Variants in PUDP observed in about 807,000 individuals in gnomAD.
The protein encoded by PUDP is pseudouridine-5'-phosphatase.
A neutral mutation model predicts 9.4 loss-of-function variants in PUDP; 8 were observed. The observed-to-expected ratio is 0.85, with a 90% CI of 0.50 to 1.53. The LOEUF (loss-of-function observed/expected upper bound fraction) is 1.53, where lower values mean the gene tolerates loss of function less well. Among genes scored for constraint, PUDP ranks in the 40% most tolerant of loss-of-function variants. PUDP has a pLI of 0.00. For synonymous variants in PUDP, 99 were observed against 80.7 expected (o/e 1.23, Z -1.22); for missense variants, 188 against 189.7 (o/e 0.99, Z 0.05).
intron 1 of PUDP, among the ~76,000 whole-genome samples, chrX:7,111,447 T>C (rs760809783): frequency 2.9e-5 from 3 of 103,768 alleles, no homozygotes; most frequent in Non-Finnish European, 5.9e-5. Flanking sequence ...ATTGGAGAAA[T>C]GTATTTAATA....
At chrX:6,926,922 CTT>C (rs61299123) in intron 3 of PUDP, among the ~76,000 whole-genome samples, 1 of 66,858 alleles carries the variant, frequency 1.5e-5, no homozygotes, top group Admixed American at 2.2e-4. Context: ...GAGACAATTC[CTT>C]TTTTTTTTTT....
chrX:6,791,894 T>A (rs757047331), intron 3 of PUDP, among the ~76,000 whole-genome samples: 1 of 112,025 alleles, frequency 8.9e-6, no homozygotes, highest in Admixed American at 9.5e-5. Context: ...TAGTGGACAA[T>A]TTTTTCAACT....
chrX:6,930,124 G>A (rs1403088943), intron 3 of PUDP, among the ~76,000 whole-genome samples: 2 of 109,163 alleles, frequency 1.8e-5, no homozygotes, highest in African/African-American at 6.9e-5. Context: ...GGCTACCTGA[G>A]AGAAGACAAA....
chrX:7,062,308 G>A (rs1930426010), intron 3 of PUDP, among the ~76,000 whole-genome samples: 1 of 111,747 alleles, frequency 8.9e-6, no homozygotes, highest in South Asian at 3.8e-4. Flanking sequence ...CCTGTTTGAG[G>A]CACACAGTCC....
intron 3 of PUDP, among the ~76,000 whole-genome samples, chrX:6,949,005 T>C (rs1222386157): frequency 8.9e-6 from 1 of 112,257 alleles, no homozygotes; most frequent in African/African-American, 3.2e-5. Context: ...GCCAATCCTT[T>C]GCCATTGCAC....
At position 6,753,561 on chromosome X, in the gene PUDP, A is replaced by G. The variant is rs928073362; in HGVS notation, c.*248-47095T>C. Among the ~76,000 whole-genome samples, 4 of 112,166 alleles carry G rather than the reference A, an allele frequency of 3.6e-5. No homozygotes were observed. In the East Asian group the frequency reaches 8.4e-4, roughly 24 times the overall value. ...AAGGAATCTCCACACTGTTTTCCAT[A>G]GTGATTGTACTAGTTTACATTCCCA... On this transcript the variant is annotated intron_variant and NMD_transcript_variant, in intron 3 of 3. Transcript: ENST00000655425.
intron 2 of PUDP, among the ~76,000 whole-genome samples, chrX:7,104,183 A>C (rs1206762079): frequency 8.9e-6 from 1 of 112,382 alleles, no homozygotes; most frequent in Non-Finnish European, 1.9e-5. Flanking sequence ...TGAATAAACA[A>C]AATGTGGTCT....
chrX:6,813,556 C>T (rs1446877726), intron 3 of PUDP, among the ~76,000 whole-genome samples: 1 of 111,624 alleles, frequency 9.0e-6, no homozygotes, highest in Non-Finnish European at 1.9e-5. Flanking sequence ...TCTCTCCTTT[C>T]CCCCCGTAGG....
intron 3 of PUDP, among the ~76,000 whole-genome samples, chrX:6,769,831 G>A (rs143173059): frequency 0.012 from 1,386 of 112,048 alleles, 13 homozygotes; most frequent in Admixed American, 0.031. Context: ...AATTTTGATG[G>A]CGAGAAAATA....
At chrX:7,023,192 C>T (rs1251762226) in intron 1 of PUDP, among the ~76,000 whole-genome samples, 3 of 111,953 alleles carry the variant, frequency 2.7e-5, no homozygotes, top group Admixed American at 9.5e-5. Context: ...AGCAAGGCTC[C>T]AATGTTGCCA....
intron 3 of PUDP, among the ~76,000 whole-genome samples, chrX:6,807,590 G>A (rs1926072195): frequency 8.9e-6 from 1 of 111,980 alleles, no homozygotes; most frequent in African/African-American, 3.2e-5. Context: ...TGTGATATTG[G>A]TAGAGAAGGC....
intron 3 of PUDP, among the ~76,000 whole-genome samples, chrX:6,776,806 T>C (rs1925472204): frequency 1.8e-5 from 2 of 112,779 alleles, no homozygotes; most frequent in Middle Eastern, 4.6e-3. Context: ...AAGCCCACTA[T>C]GCACTTAATC....
chrX:6,867,850 A>G (rs1421676521), intron 3 of PUDP, among the ~76,000 whole-genome samples: 1 of 111,775 alleles, frequency 8.9e-6, no homozygotes, highest in African/African-American at 3.3e-5. Flanking sequence ...GCATGACACC[A>G]GTATCTGGTG....
In PUDP at chrX:7,055,095, C is replaced by T. The variant is rs1175391730; in HGVS notation, c.511-4623G>A. ...AACTGCACCACACACACAGCCTGCA[C>T]GTGGGAAATGATTCGGGGTCATGCC... On this transcript the variant is annotated intron_variant, in intron 3 of 3. Coordinates refer to ENST00000381077, the MANE Select transcript of PUDP (RefSeq NM_012080.5). Among the ~76,000 whole-genome samples, 3 of 111,616 alleles carry T rather than the reference C, an allele frequency of 2.7e-5. No individual in the cohort carries two copies. The South Asian group carries it at 1.1e-3, about 42-fold the overall frequency.
intron 3 of PUDP, among the ~76,000 whole-genome samples, chrX:7,062,557 T>A (rs1446453614): frequency 9.1e-6 from 1 of 110,257 alleles, no homozygotes; most frequent in Non-Finnish European, 1.9e-5. Flanking sequence ...GAGAGGCTTG[T>A]CAGGATGAGA....
At chrX:7,037,237 G>A (rs1383092026) in intron 1 of PUDP, among the ~76,000 whole-genome samples, 2 of 111,568 alleles carry the variant, frequency 1.8e-5, no homozygotes, top group Non-Finnish European at 3.8e-5. Flanking sequence ...GGGTTATCTG[G>A]TCCAGCATAG....
chrX:6,838,128 C>T (rs1182030481), intron 3 of PUDP, among the ~76,000 whole-genome samples: 3 of 112,359 alleles, frequency 2.7e-5, no homozygotes, highest in Non-Finnish European at 5.6e-5. Flanking sequence ...TTTCTTATCC[C>T]CCTCGCCAGT....
At chrX:7,087,760 G>A (rs1931306382) in intron 2 of PUDP, among the ~76,000 whole-genome samples, 1 of 112,282 alleles carries the variant, frequency 8.9e-6, no homozygotes, top group Admixed American at 9.4e-5. Flanking sequence ...ACAGTTGCAA[G>A]AGTCCAGTTT....
intron 3 of PUDP, among the ~76,000 whole-genome samples, chrX:6,899,176 C>T (rs1403395360): frequency 8.9e-6 from 1 of 112,774 alleles, no homozygotes; most frequent in African/African-American, 3.2e-5. Context: ...ATAAAGACAA[C>T]TGCAATGGCT....
Sources: allele counts gnomAD v4.1 joint callset (sites outside exome capture counted in the v4.1 genomes callset), GRCh38; gene constraint gnomAD v4.1.1; transcripts MANE v1.5; gene names NCBI Gene and HGNC (gene_info 2026-07-23, HGNC 2026-07-21).